CEP83: variants seen among roughly 807,000 people sequenced by gnomAD.
CEP83 encodes the protein centrosomal protein 83, also known as centrosomal protein of 83 kDa.
A neutral mutation model predicts 101.9 loss-of-function variants in CEP83; 70 were observed. The ratio of observed to expected loss-of-function variants is 0.69; its 90% CI spans 0.57 to 0.84. The LOEUF (loss-of-function observed/expected upper bound fraction) is 0.84, where lower values mean the gene tolerates loss of function less well. Ranked by LOEUF, CEP83 falls within the 40% of genes least tolerant of loss-of-function variation. CEP83 has a pLI of 0.00. For synonymous variants in CEP83, 264 were observed against 267.9 expected (o/e 0.99, Z 0.14); for missense variants, 715 against 787.2 (o/e 0.91, Z 1.10).
chr12:94,381,914 C>G (rs2061872656), intron 6 of CEP83, among the ~76,000 whole-genome samples: 1 of 152,058 alleles, frequency 6.6e-6, no homozygotes, highest in Non-Finnish European at 1.5e-5. Context: ...GGTAACATTC[C>G]TCTTCCCTTT....
chr12:94,308,614 T>C lies in CEP83; in HGVS notation c.*199A>G. On this transcript the variant is annotated 3_prime_UTR_variant, in exon 17 of 17. Coordinates refer to ENST00000397809, the MANE Select transcript of CEP83 (RefSeq NM_016122.3). ...CAAATATTCTAAATATCTCTGAGAA[T>C]TTCTCTTTTAATGCTTCACTTGTAT... is the stretch of plus-strand genomic sequence containing the variant. 2 of 369,400 alleles carry C rather than the reference T, an allele frequency of 5.4e-6. No homozygotes were observed. The highest frequency in any genetic ancestry group is 9.8e-6 in the Non-Finnish European group (2 of 204,644). The allele number at this position is 369,400 out of a possible 1,614,324, so 22.9% of individuals were successfully genotyped here.
the CEP83 span, chr12:94,298,852 AAAAG>A: frequency 0.064 from 94,948 of 1,482,262 alleles, 3,653 homozygotes; most frequent in Non-Finnish European, 0.076. Flanking sequence ...AATATTAACT[AAAAG>A]AAAGACATAG....
At chr12:94,305,539 AG>A (rs1283972879), downstream of CEP83, 7 of 423,744 alleles carry the variant, frequency 1.7e-5, no homozygotes, top group Non-Finnish European at 3.0e-5. Context: ...TTGTTTACAG[AG>A]AATACAAGGC....
At chr12:94,390,955 C>G (rs1195824874) in intron 6 of CEP83, among the ~76,000 whole-genome samples, 1 of 151,976 alleles carries the variant, frequency 6.6e-6, no homozygotes, top group Non-Finnish European at 1.5e-5. Flanking sequence ...CGAACAAAGC[C>G]TCTAAGAAAT....
rs1969606999 is a variant in CEP83 at position 94,310,056 on chromosome 12, A to G, written c.1863T>C (p.Asp621=). Residue 621 remains aspartate (D), a synonymous_variant, in exon 16 of 17, where the codon GAT becomes GAC. Coordinates refer to ENST00000397809, the MANE Select transcript of CEP83 (RefSeq NM_016122.3). ...GAAATTCATTATGTCTTCTCTGTAT[A>G]TCTTTTAGTCTTTTTTGAAGCCTTG... is the stretch of plus-strand genomic sequence containing the variant. The part of the protein sequence containing the change: ...DYTRLQKRLK[D]IQRRHNEFRS... The G allele has an allele frequency of 1.9e-6, 3 of 1,605,776 alleles. No homozygotes were observed. The highest frequency in any genetic ancestry group is 1.7e-5 in the Admixed American group (1 of 59,844).
intron 2 of CEP83, among the ~76,000 whole-genome samples, 164 bp from the exon 3 acceptor site, chr12:94,412,755 T>C (rs1031099016): frequency 1.0e-4 from 15 of 148,532 alleles, no homozygotes; most frequent in African/African-American, 3.5e-4. Context: ...AATGGTGTGA[T>C]CTCGGCTCAC....
intron 16 of CEP83, 27 bp downstream of exon 16, chr12:94,309,891 T>G (rs766372788): frequency 1.5e-5 from 21 of 1,363,702 alleles, no homozygotes; most frequent in Middle Eastern, 1.9e-4. Context: ...ACGACTTTTT[T>G]TTTCCCCCTA....
Position 94,424,466 on chromosome 12 carries a change from C to A in CEP83, c.-102+10809G>T. The A allele has an allele frequency of 5.0e-6, 8 of 1,613,980 alleles. No individual in the cohort carries two copies. In the South Asian group the frequency reaches 8.8e-5, roughly 18 times the overall value. On this transcript the variant is annotated intron_variant, in intron 2 of 16. Transcript: ENST00000397809. ...ACCTCTGCTGGTCCCACTGGTATCT[C>A]GAAGGATACGGGTGGAGATAACCTG...
intron 6 of CEP83, among the ~76,000 whole-genome samples, chr12:94,390,307 G>C (rs73218255): frequency 0.17 from 25,706 of 151,900 alleles, 2,270 homozygotes; most frequent in African/African-American, 0.21. Flanking sequence ...GTTCTGTGAC[G>C]TCTGCTGGTG....
At chr12:94,360,355 T>C (rs918907266) in intron 11 of CEP83, among the ~76,000 whole-genome samples, 1 of 152,090 alleles carries the variant, frequency 6.6e-6, no homozygotes, top group Non-Finnish European at 1.5e-5. Flanking sequence ...GCAGATGACA[T>C]TATCTTATAT....
intron 7 of CEP83, 122 bp from the exon 8 acceptor site, chr12:94,376,139 T>C (rs2061523528): frequency 1.8e-6 from 1 of 562,258 alleles, no homozygotes; most frequent in Non-Finnish European, 2.7e-6. Context: ...ACTTAACATA[T>C]ACCAATGTAA....
the CEP83 span, among the ~76,000 whole-genome samples, chr12:94,293,795 T>C: frequency 1.3e-5 from 2 of 152,058 alleles, no homozygotes; most frequent in East Asian, 3.9e-4. Flanking sequence ...ATTAAAAAAA[T>C]TTTTTTTATA....
At chr12:94,342,775 C>G (rs2059740111) in intron 11 of CEP83, among the ~76,000 whole-genome samples, 1 of 150,488 alleles carries the variant, frequency 6.6e-6, no homozygotes, top group South Asian at 2.1e-4. Context: ...TGGTATCAGA[C>G]AAGTCAAGCA....
At chr12:94,321,494 G>A (rs775661241) in intron 14 of CEP83, among the ~76,000 whole-genome samples, 5 of 152,266 alleles carry the variant, frequency 3.3e-5, no homozygotes, top group African/African-American at 4.8e-5. Context: ...CCATCTCTGC[G>A]TGGGGGTGTT....
chr12:94,418,275 T>C (rs983082315), intron 2 of CEP83, among the ~76,000 whole-genome samples: 1 of 152,084 alleles, frequency 6.6e-6, no homozygotes, highest in Non-Finnish European at 1.5e-5. Flanking sequence ...GCAGGAGAAC[T>C]GCTTGAATCT....
the CEP83 span, chr12:94,297,273 A>G: frequency 1.2e-4 from 200 of 1,613,016 alleles, no homozygotes; most frequent in Non-Finnish European, 1.6e-4. Flanking sequence ...TTCTGTAGCA[A>G]GAGTGGTCTC....
rs190147954 is a variant in CEP83 at position 94,356,130 on chromosome 12, C to T, written c.1343+11664G>A. ...GGTCGAAGGGTCGCCAGAGCGACGG[C>T]TGGGAACAGAAAACTAGCTGGAGGA... On this transcript the variant is annotated intron_variant, in intron 11 of 16. Transcript: ENST00000397809. 7.8e-4 allele frequency among the ~76,000 whole-genome samples: 119 copies of T among 152,258 alleles called. 1 individual carries two copies. In the East Asian group the frequency reaches 0.022, roughly 28 times the overall value.
the CEP83 span, among the ~76,000 whole-genome samples, chr12:94,289,201 C>T: frequency 2.6e-5 from 4 of 152,000 alleles, no homozygotes; most frequent in Non-Finnish European, 4.4e-5. Context: ...TGTGTAGCTC[C>T]TGTTTATTTT....
chr12:94,436,385 A>T (rs1039669940), intron 1 of CEP83, among the ~76,000 whole-genome samples: 1 of 151,950 alleles, frequency 6.6e-6, no homozygotes, highest in African/African-American at 2.4e-5. Context: ...TATACATCAT[A>T]AAAAAAAGAC....
Sources: gnomAD v4.1 joint callset for allele counts (sites outside exome capture counted in the v4.1 genomes callset) on GRCh38, gnomAD v4.1.1 for gene constraint, MANE v1.5 for transcripts, NCBI Gene and HGNC (gene_info 2026-07-23, HGNC 2026-07-21) for gene names.